DSG2: variants seen among roughly 807,000 people sequenced by gnomAD.
DSG2 encodes desmoglein-2.
A neutral mutation model predicts 75.6 loss-of-function variants in DSG2; 45 were observed. The observed-to-expected ratio is 0.60, with a 90% CI of 0.47 to 0.76. The LOEUF is 0.76. DSG2 is among the 30% of genes least tolerant of loss of function. The probability of loss-of-function intolerance (pLI) is 0.00; values close to 1 mark genes in which losing one functional copy is unlikely to be tolerated. For synonymous variants in DSG2, 429 were observed against 483.9 expected (o/e 0.89, Z 1.49); for missense variants, 1,267 against 1,357.4 (o/e 0.93, Z 1.05).
intron 1 of DSG2, among the ~76,000 whole-genome samples, chr18:31,509,867 G>A (rs1463816860): frequency 1.3e-5 from 2 of 152,220 alleles, no homozygotes; most frequent in African/African-American, 4.8e-5. Context: ...AAGTCAGGAT[G>A]TGTGACCAGA....
intron 1 of DSG2, among the ~76,000 whole-genome samples, chr18:31,500,719 A>G (rs2073009345): frequency 6.6e-6 from 1 of 152,220 alleles, no homozygotes; most frequent in South Asian, 2.1e-4. Context: ...TGTGTCACCC[A>G]CATAGCTATC....
At chr18:31,509,530 T>C (rs1307957434) in intron 1 of DSG2, among the ~76,000 whole-genome samples, 1 of 152,224 alleles carries the variant, frequency 6.6e-6, no homozygotes, top group African/African-American at 2.4e-5. Flanking sequence ...CTAGATCATC[T>C]GTAAGTTGGA....
Position 31,546,139 on chromosome 18 carries a change from A to G in DSG2, c.2753A>G (p.Gln918Arg), listed in dbSNP as rs1367277603. ...AGATCTGTGTCTTCTAGGCAGGCGC[A>G]AAAGGTAGCTACACCTCTTCCTGAC... ...TERSVSSRQA[Q>R]KVATPLPDPM... Residue 918 changes from glutamine (Q) to arginine (R), a missense_variant, in exon 15 of 15, where the codon CAA becomes CGA. Physicochemically the swap from Gln to Arg is conservative, Grantham distance 43. Coordinates refer to ENST00000261590, the MANE Select transcript of DSG2 (RefSeq NM_001943.5). The G allele has an allele frequency of 1.2e-6, 2 of 1,614,086 alleles. No homozygotes were observed. Among genetic ancestry groups the G allele is most frequent in the African/African-American group, 2.7e-5 (2 of 74,930 alleles).
chr18:31,511,072 G>A (rs915355059), intron 1 of DSG2, among the ~76,000 whole-genome samples: 7 of 152,284 alleles, frequency 4.6e-5, no homozygotes, highest in Middle Eastern at 3.4e-3. Context: ...CATGTTACTT[G>A]CAGTATACTA....
In DSG2 at chr18:31,548,118, T is replaced by C. The variant is rs2073327827; in HGVS notation, c.*1375T>C. ...TATTGACTGGCTGGGTGTGACTTAG[T>C]ACATAAGTACTCAATATTATAAAAA... On this transcript the variant is annotated 3_prime_UTR_variant, in exon 15 of 15. Coordinates refer to ENST00000261590, the MANE Select transcript of DSG2 (RefSeq NM_001943.5). 1 of 152,250 alleles carries C rather than the reference T, an allele frequency of 6.6e-6. No individual in the cohort carries two copies. Among genetic ancestry groups the C allele is most frequent in the Non-Finnish European group, 1.5e-5 (1 of 68,036 alleles). The allele number at this position is 152,250 out of a possible 1,614,324, so 9.4% of individuals were successfully genotyped here. A position where few individuals can be genotyped will look rare whatever the true frequency, so the allele number is the denominator to read the frequency against.
chr18:31,502,583 C>T (rs552762228), intron 1 of DSG2, among the ~76,000 whole-genome samples: 8 of 152,254 alleles, frequency 5.3e-5, no homozygotes, highest in African/African-American at 1.9e-4. Flanking sequence ...AACCCCATCT[C>T]GACTAAAAAT....
rs761828583 is a variant in DSG2, at chr18:31,536,285, G to A, written c.1507G>A (p.Val503Met). 1.9e-6 allele frequency: 3 copies of A among 1,614,202 alleles called. No homozygotes were observed. Among genetic ancestry groups the A allele is most frequent in the Admixed American group, 1.7e-5 (1 of 60,022 alleles). ...NDNCPTLIEPVQTICHDAEYV... is the reference protein window; with the variant it reads ...NDNCPTLIEPMQTICHDAEYV... ...CAACTGTCCCACACTGATAGAGCCT[G>A]TGCAGACAATCTGTCACGATGCAGA... The change falls in exon 11 of 15, where the codon GTG (valine) becomes ATG (methionine). Residue 503 changes from valine to methionine, a missense_variant. Val to Met is a conservative substitution (Grantham distance 21, BLOSUM62 1). Coordinates refer to ENST00000261590, the MANE Select transcript of DSG2 (RefSeq NM_001943.5).
chr18:31,502,539 C>T (rs1350746294), intron 1 of DSG2, among the ~76,000 whole-genome samples: 1 of 152,206 alleles, frequency 6.6e-6, no homozygotes, highest in Non-Finnish European at 1.5e-5. Context: ...CACCTGAGGT[C>T]AGGAGTTTGA....
chr18:31,541,555 C>T (rs907593648), intron 13 of DSG2, among the ~76,000 whole-genome samples: 1 of 152,154 alleles, frequency 6.6e-6, no homozygotes, highest in Non-Finnish European at 1.5e-5. Context: ...GAGCAAGGTT[C>T]AGGAAGAGCA....
At chr18:31,521,415 G>A (rs1433033682) in intron 5 of DSG2, among the ~76,000 whole-genome samples, 172 bp downstream of exon 5, 1 of 151,996 alleles carries the variant, frequency 6.6e-6, no homozygotes, top group Non-Finnish European at 1.5e-5. Context: ...GACTTTACAT[G>A]CCATTGCTTT....
chr18:31,500,443 A>G (rs926231792), intron 1 of DSG2, among the ~76,000 whole-genome samples: 13 of 152,126 alleles, frequency 8.5e-5, no homozygotes, highest in African/African-American at 2.9e-4. Context: ...GCATAACAAC[A>G]TGGATGCTTG....
In DSG2 at chr18:31,531,155, A is replaced by G. The variant is rs1227040418; in HGVS notation, c.1183A>G (p.Ile395Val). 1 of 1,614,168 alleles carries G rather than the reference A, an allele frequency of 6.2e-7. No homozygotes were observed. Among genetic ancestry groups the G allele is most frequent in the South Asian group, 1.1e-5 (1 of 91,084 alleles). ...GIHFKSSVIS[I>V]YVSESMDRSS... ...TCATTTTAAAAGCAGCGTCATCTCA[A>G]TTTATGTTAGCGAGAGCATGGATAG... The change falls in exon 9 of 15, where the codon ATT becomes GTT. Residue 395 changes from isoleucine (I) to valine (V), a missense_variant. By Grantham distance (29) the Ile-to-Val change is conservative. Coordinates refer to ENST00000261590, the MANE Select transcript of DSG2 (RefSeq NM_001943.5).
At chr18:31,500,809 G>C (rs758816163) in intron 1 of DSG2, among the ~76,000 whole-genome samples, 1 of 152,060 alleles carries the variant, frequency 6.6e-6, no homozygotes, top group African/African-American at 2.4e-5. Context: ...CCTCTTCAAG[G>C]GTTCTTTGCA....
chr18:31,505,074 C>G (rs1431645562), intron 1 of DSG2, among the ~76,000 whole-genome samples: 1 of 152,182 alleles, frequency 6.6e-6, no homozygotes, highest in African/African-American at 2.4e-5. Context: ...GACATAGTCT[C>G]CCTAATCAGA....
chr18:31,506,930 C>G (rs1398709315), intron 1 of DSG2, among the ~76,000 whole-genome samples: 2 of 150,996 alleles, frequency 1.3e-5, no homozygotes, highest in Non-Finnish European at 3.0e-5. Flanking sequence ...TTTGTTTTTT[C>G]TTTTTTTTTA....
chr18:31,534,800 G>A lies in DSG2; in HGVS notation c.1281-470G>A, dbSNP rs143446209. 2.9e-3 allele frequency among the ~76,000 whole-genome samples: 441 copies of A among 152,248 alleles called. 1 individual carries two copies. Among genetic ancestry groups the A allele is most frequent in the Middle Eastern group, 0.027 (8 of 294 alleles). ...GCTGGGATTACAGGCGTGAGCCACC[G>A]CACCTGGCCCCTGCGATCATTGATT... On this transcript the variant is annotated intron_variant, in intron 9 of 14. Transcript: ENST00000261590.
intron 5 of DSG2, among the ~76,000 whole-genome samples, chr18:31,521,610 T>C (rs1170426468): frequency 1.3e-5 from 2 of 152,208 alleles, no homozygotes; most frequent in Non-Finnish European, 1.5e-5. Context: ...GCTTTGGCTA[T>C]AGTTTGCTGA....
rs761545577 is a variant in DSG2, at chr18:31,546,612, G to C, written c.3226G>C (p.Val1076Leu). 1 of 1,614,208 alleles carries C rather than the reference G, an allele frequency of 6.2e-7. No homozygotes were observed. Among genetic ancestry groups the C allele is most frequent in the East Asian group, 2.2e-5 (1 of 44,884 alleles). Residue 1076 changes from valine to leucine, a missense_variant, in exon 15 of 15, where the codon GTG becomes CTG. Coordinates refer to ENST00000261590, the MANE Select transcript of DSG2 (RefSeq NM_001943.5). ...TTCTATGACGGCTAGGAACACCACG[G>C]TGTCTGGAGCTGGAGTCCCTGGCCC... is the stretch of plus-strand genomic sequence containing the variant. ...ENSMTARNTT[V>L]SGAGVPGPLP...
chr18:31,545,573 C>T (rs752204992), intron 14 of DSG2, 148 bp from the exon 15 acceptor site: 5 of 963,256 alleles, frequency 5.2e-6, no homozygotes, highest in Non-Finnish European at 7.8e-6. Context: ...CGTAGGATCT[C>T]TCTCAATTTG....
Sources: gnomAD v4.1 joint callset for allele counts (sites outside exome capture counted in the v4.1 genomes callset) on GRCh38, gnomAD v4.1.1 for gene constraint, MANE v1.5 for transcripts, NCBI Gene and HGNC (gene_info 2026-07-23, HGNC 2026-07-21) for gene names.